CEP112: variants seen among roughly 807,000 people sequenced by gnomAD.
The protein encoded by CEP112 is centrosomal protein 112.
A neutral mutation model predicts 153.0 loss-of-function variants in CEP112; 127 were observed. The ratio of observed to expected loss-of-function variants is 0.83; its 90% CI spans 0.72 to 0.96. The LOEUF is 0.96. Among genes scored for constraint, CEP112 ranks in the 40% least tolerant of loss-of-function variants. The pLI is 0.00. For synonymous variants in CEP112, 358 were observed against 374.4 expected (o/e 0.96, Z 0.51); for missense variants, 1,089 against 1,101.2 (o/e 0.99, Z 0.16).
chr17:65,777,727 T>C (rs2053764870), intron 21 of CEP112, among the ~76,000 whole-genome samples: 1 of 152,198 alleles, frequency 6.6e-6, no homozygotes, highest in Non-Finnish European at 1.5e-5. Flanking sequence ...CCTTTTATTT[T>C]AGTTTATTAT....
chr17:65,894,682 C>T (rs1469408957), intron 20 of CEP112, among the ~76,000 whole-genome samples: 1 of 152,044 alleles, frequency 6.6e-6, no homozygotes, highest in Non-Finnish European at 1.5e-5. Context: ...CTGTTTTTAT[C>T]AAGACTGGTA....
chr17:65,971,117 G>C (rs780707430), intron 17 of CEP112, among the ~76,000 whole-genome samples: 1 of 152,042 alleles, frequency 6.6e-6, no homozygotes, highest in South Asian at 2.1e-4. Flanking sequence ...CATGTTCCTT[G>C]CGTGTATGAG....
At chr17:65,734,120 G>C (rs375481184) in intron 23 of CEP112, among the ~76,000 whole-genome samples, 3 of 152,314 alleles carry the variant, frequency 2.0e-5, no homozygotes, top group East Asian at 3.9e-4. Context: ...ATTCGGACTG[G>C]GTGAGGGATT....
intron 21 of CEP112, among the ~76,000 whole-genome samples, chr17:65,850,153 CAAAAAA>C (rs57086665): frequency 5.6e-5 from 2 of 35,716 alleles, no homozygotes; most frequent in African/African-American, 2.0e-4. Context: ...GACTCTGTCT[CAAAAAA>C]AAAAAAAAAA....
intron 19 of CEP112, among the ~76,000 whole-genome samples, chr17:65,916,061 T>A (rs984836070): frequency 6.6e-6 from 1 of 152,174 alleles, no homozygotes; most frequent in Non-Finnish European, 1.5e-5. Flanking sequence ...CTTCACTTCA[T>A]CCAGGTCTTA....
intron 19 of CEP112, among the ~76,000 whole-genome samples, chr17:65,907,788 T>A (rs2060137090): frequency 6.6e-6 from 1 of 152,240 alleles, no homozygotes; most frequent in Non-Finnish European, 1.5e-5. Flanking sequence ...TGTAAATAAA[T>A]GTTAAAAGAA....
intron 22 of CEP112, among the ~76,000 whole-genome samples, chr17:65,746,545 TA>T (rs2051481606): frequency 6.6e-6 from 1 of 152,138 alleles, no homozygotes; most frequent in African/African-American, 2.4e-5. Flanking sequence ...ATAATCATAA[TA>T]ATCAGATTAA....
At chr17:66,006,523 T>C (rs1294043996) in intron 16 of CEP112, among the ~76,000 whole-genome samples, 1 of 151,992 alleles carries the variant, frequency 6.6e-6, no homozygotes, top group African/African-American at 2.4e-5. Flanking sequence ...GGAGAATCGC[T>C]TGAACCCAGG....
chr17:65,637,081 C>T, intron 26 of CEP112, 43 bp downstream of exon 26: 1 of 1,491,258 alleles, frequency 6.7e-7, no homozygotes, highest in Middle Eastern at 1.7e-4. Context: ...GGTGACACAA[C>T]ACAAACTAAT....
Position 66,175,160 on chromosome 17 carries a change from T to G in CEP112, c.354A>C (p.Gly118=), listed in dbSNP as rs1258436450. The G allele has an allele frequency of 1.2e-6, 2 of 1,613,388 alleles. No homozygotes were observed. The highest frequency in any genetic ancestry group is 1.7e-6 in the Non-Finnish European group (2 of 1,179,650). Residue 118 remains glycine (G), a synonymous_variant, in exon 4 of 27, where the codon GGA becomes GGC. Coordinates refer to ENST00000535342, the MANE Select transcript of CEP112 (RefSeq NM_001199165.4). ...PARAKGSSPE[G]LPAWVLGELE... is the part of the protein sequence containing the mutation. ...GCTCACCCAGTACCCAGGCTGGTAA[T>G]CCCTCTGGGCTTGAACCTTTTGCTC...
At chr17:66,059,427 T>C (rs2066834803) in intron 11 of CEP112, among the ~76,000 whole-genome samples, 1 of 152,096 alleles carries the variant, frequency 6.6e-6, no homozygotes, top group African/African-American at 2.4e-5. Flanking sequence ...ACCCAGAATC[T>C]ATAAAGAACT....
chr17:66,163,523 C>T (rs2071802137), intron 4 of CEP112, among the ~76,000 whole-genome samples: 1 of 151,708 alleles, frequency 6.6e-6, no homozygotes, highest in Non-Finnish European at 1.5e-5. Context: ...AAATCCACAA[C>T]ATACTTATTT....
chr17:65,645,864 A>G (rs2045402439), intron 24 of CEP112, among the ~76,000 whole-genome samples: 1 of 152,122 alleles, frequency 6.6e-6, no homozygotes, highest in Admixed American at 6.5e-5. Context: ...GGAACCAGCT[A>G]TTTGCTGAGA....
At chr17:66,124,159 T>C (rs976323080) in intron 6 of CEP112, among the ~76,000 whole-genome samples, 1 of 152,204 alleles carries the variant, frequency 6.6e-6, no homozygotes, top group Non-Finnish European at 1.5e-5. Context: ...AGGCTATGAT[T>C]TGGGGGCTAT....
At chr17:66,143,504 A>T (rs887854125) in intron 4 of CEP112, among the ~76,000 whole-genome samples, 1 of 152,242 alleles carries the variant, frequency 6.6e-6, no homozygotes, top group African/African-American at 2.4e-5. Flanking sequence ...AAGAATCATA[A>T]GGGTGTTGTA....
intron 18 of CEP112, among the ~76,000 whole-genome samples, chr17:65,956,343 AAC>A (rs1156445723): frequency 6.6e-6 from 1 of 152,006 alleles, no homozygotes. Context: ...AAAAATATGG[AAC>A]CAGCCCAAAT....
chr17:66,128,091 C>G (rs755300936), intron 6 of CEP112, among the ~76,000 whole-genome samples: 1 of 151,898 alleles, frequency 6.6e-6, no homozygotes, highest in Non-Finnish European at 1.5e-5. Flanking sequence ...ACCTGAGGGT[C>G]GGGAGTTCGA....
At chr17:65,767,632 C>A (rs952359543) in intron 21 of CEP112, among the ~76,000 whole-genome samples, 3 of 151,248 alleles carry the variant, frequency 2.0e-5, no homozygotes, top group African/African-American at 7.3e-5. Flanking sequence ...CTTAGTTATA[C>A]CAGCTTAAAA....
chr17:65,917,764 T>G (rs1599006430), intron 19 of CEP112, among the ~76,000 whole-genome samples: 1 of 151,912 alleles, frequency 6.6e-6, no homozygotes, highest in African/African-American at 2.4e-5. Flanking sequence ...CCACGTGATG[T>G]GGGGAGCTGC....
Sources: allele counts gnomAD v4.1 joint callset (sites outside exome capture counted in the v4.1 genomes callset), GRCh38; gene constraint gnomAD v4.1.1; transcripts MANE v1.5; gene names NCBI Gene and HGNC (gene_info 2026-07-23, HGNC 2026-07-21).